The following VWC2 variants were observed in gnomAD, a reference collection of about 807,000 sequenced individuals.
The protein encoded by VWC2 is von Willebrand factor C domain containing 2.
In VWC2, 14 loss-of-function variants were observed where a neutral mutation model predicts 29.8. The ratio of observed to expected loss-of-function variants is 0.47; its 90% CI spans 0.31 to 0.74. The LOEUF (loss-of-function observed/expected upper bound fraction) is 0.74. Among genes scored for constraint, VWC2 ranks in the 30% least tolerant of loss-of-function variants. VWC2 has a pLI of 0.05. For synonymous variants in VWC2, 213 were observed against 199.0 expected, an observed-to-expected ratio of 1.07 and a Z score of -0.59; for missense variants, 457 against 459.8, an observed-to-expected ratio of 0.99 and a Z score of 0.05.
At chr7:49,910,221 C>G (rs543588580) in intron 3 of VWC2, among the ~76,000 whole-genome samples, 27 of 152,282 alleles carry the variant, frequency 1.8e-4, no homozygotes, top group African/African-American at 6.3e-4. Flanking sequence ...GGCCCTCCAC[C>G]TCCTGGGCGA....
At chr7:49,844,989 T>C (rs117080730) in intron 3 of VWC2, among the ~76,000 whole-genome samples, 3,218 of 152,292 alleles carry the variant, frequency 0.021, 264 homozygotes, top group Admixed American at 0.15. Flanking sequence ...GGCCGGCAAT[T>C]CACTTTCGTC....
intron 3 of VWC2, among the ~76,000 whole-genome samples, chr7:49,859,038 G>GGTGCTA (rs1263406127): frequency 1.3e-5 from 2 of 152,188 alleles, no homozygotes; most frequent in African/African-American, 4.8e-5. Flanking sequence ...AGCGACTGCA[G>GGTGCTA]GTGCTACTAG....
intron 3 of VWC2, among the ~76,000 whole-genome samples, chr7:49,808,612 C>G (rs1043570195): frequency 6.6e-6 from 1 of 151,984 alleles, no homozygotes; most frequent in Non-Finnish European, 1.5e-5. Context: ...CTACAGTTGA[C>G]CCTATGCTAA....
At chr7:49,784,830 C>G (rs374564703) in intron 2 of VWC2, among the ~76,000 whole-genome samples, 3 of 152,016 alleles carry the variant, frequency 2.0e-5, no homozygotes, top group East Asian at 3.9e-4. Flanking sequence ...CACCCTTCAC[C>G]CAGGCTGCAA....
chr7:49,861,533 C>T (rs1790653566), intron 3 of VWC2, among the ~76,000 whole-genome samples: 1 of 152,008 alleles, frequency 6.6e-6, no homozygotes, highest in Non-Finnish European at 1.5e-5. Flanking sequence ...TTCTGTTGTT[C>T]ATGTTTTGGT....
chr7:49,885,790 G>A (rs944226135), intron 3 of VWC2, among the ~76,000 whole-genome samples: 1 of 152,204 alleles, frequency 6.6e-6, no homozygotes, highest in African/African-American at 2.4e-5. Context: ...TTGCGGCCTG[G>A]ACCACTAGCA....
chr7:49,791,634 G>A (rs1029571063), intron 2 of VWC2, among the ~76,000 whole-genome samples: 1 of 152,164 alleles, frequency 6.6e-6, no homozygotes, highest in Non-Finnish European at 1.5e-5. Flanking sequence ...CAAACCTACG[G>A]CCATTTTTCT....
chr7:49,776,171 A>C (rs1788050406), intron 2 of VWC2, 40 bp downstream of exon 2: 1 of 1,461,540 alleles, frequency 6.8e-7, no homozygotes, highest in African/African-American at 1.4e-5. Flanking sequence ...TGCACCTTCC[A>C]GGAAGGGGTG....
chr7:49,775,293 C>G lies in VWC2; in HGVS notation c.-103-40C>G, dbSNP rs1788025662. 1.1e-5 allele frequency: 5 copies of G among 462,662 alleles called. No individual in the cohort carries two copies. The South Asian group carries it at 5.3e-4, about 49-fold the overall frequency. 28.7% of individuals were successfully genotyped at this position (462,662 alleles called of 1,614,324 possible). ...GGGCCGCGGCGGGCCGGGGCGCGCG[C>G]GGGCCGCGGGGCTCAGTTGTGCTGC... On this transcript the variant is annotated intron_variant, in intron 1 of 3. Transcript: ENST00000340652.
chr7:49,878,059 CT>C (rs1791517051), intron 3 of VWC2, among the ~76,000 whole-genome samples: 1 of 152,028 alleles, frequency 6.6e-6, no homozygotes, highest in South Asian at 2.1e-4. Context: ...AGTTTTCTGG[CT>C]TTTTTCAGTG....
At chr7:49,823,576 A>G (rs773271031) in intron 3 of VWC2, among the ~76,000 whole-genome samples, 1 of 152,168 alleles carries the variant, frequency 6.6e-6, no homozygotes, top group Non-Finnish European at 1.5e-5. Flanking sequence ...TGGGCCGTAA[A>G]TATCCTGGGG....
chr7:49,875,704 G>A (rs886218076), intron 3 of VWC2, among the ~76,000 whole-genome samples: 3 of 152,112 alleles, frequency 2.0e-5, no homozygotes, highest in African/African-American at 4.8e-5. Context: ...TAATAACAGT[G>A]TCTGATGGAG....
chr7:49,775,784 A>AGG lies in VWC2; in HGVS notation c.349_350insGG (p.Thr117ArgfsTer170), dbSNP rs1788039196. 6.6e-7 allele frequency: 1 copy of AGG among 1,523,236 alleles called. No individual in the cohort carries two copies. Among genetic ancestry groups the AGG allele is most frequent in the South Asian group, 1.2e-5 (1 of 80,438 alleles). 94.4% of individuals were successfully genotyped at this position (1,523,236 alleles called of 1,614,324 possible). A position where few individuals can be genotyped will look rare whatever the true frequency, so the allele number is the denominator to read the frequency against. On this transcript the variant is annotated frameshift_variant, in exon 2 of 4. Coordinates refer to ENST00000340652, the MANE Select transcript of VWC2 (RefSeq NM_198570.5). LOFTEE classifies it high-confidence loss of function. ...TCTGCAGGTCCGGCCCCGCGGGGAC[A>AGG]CCCCGCAGGCGGAAGCCCTGGCCGC...
chr7:49,913,558 T>A lies in VWC2; in HGVS notation c.*1373T>A, dbSNP rs1450337758. On this transcript the variant is annotated 3_prime_UTR_variant, in exon 4 of 4. Coordinates refer to ENST00000340652, the MANE Select transcript of VWC2 (RefSeq NM_198570.5). ...TCTAAAGGTATTTTTCATATTTTTG[T>A]TTATTCTGAAATTTTGCATTAAGAA... is the stretch of plus-strand genomic sequence containing the variant. 6.6e-6 allele frequency: 1 copy of A among 152,202 alleles called. No individual in the cohort carries two copies. Among genetic ancestry groups the A allele is most frequent in the Admixed American group, 6.5e-5 (1 of 15,276 alleles). 9.4% of individuals were successfully genotyped at this position (152,202 alleles called of 1,614,324 possible).
At chr7:49,845,874 C>A (rs778228306) in intron 3 of VWC2, among the ~76,000 whole-genome samples, 1 of 152,050 alleles carries the variant, frequency 6.6e-6, no homozygotes, top group African/African-American at 2.4e-5. Flanking sequence ...AGTGTGAGTG[C>A]GTGTGCACAC....
chr7:49,790,694 G>C (rs922330287), intron 2 of VWC2, among the ~76,000 whole-genome samples: 1 of 151,818 alleles, frequency 6.6e-6, no homozygotes, highest in Non-Finnish European at 1.5e-5. Flanking sequence ...GCACCTCCCA[G>C]CCCTCAGGGG....
chr7:49,831,648 G>A (rs1310026940), intron 3 of VWC2, among the ~76,000 whole-genome samples: 2 of 152,168 alleles, frequency 1.3e-5, no homozygotes, highest in Non-Finnish European at 2.9e-5. Context: ...GGAGGTGGGA[G>A]GGCAAAGGCT....
chr7:49,902,488 GT>G, intron 3 of VWC2, among the ~76,000 whole-genome samples: 1 of 148,284 alleles, frequency 6.7e-6, no homozygotes, highest in East Asian at 2.0e-4. Context: ...TGAAAGGGTA[GT>G]TTTTTGTTTG....
intron 3 of VWC2, among the ~76,000 whole-genome samples, chr7:49,818,242 G>T (rs1415120554): frequency 2.6e-5 from 4 of 152,132 alleles, no homozygotes; most frequent in Non-Finnish European, 5.9e-5. Context: ...AATTCACAGA[G>T]AAATATTTCC....
Sources: allele counts gnomAD v4.1 joint callset (sites outside exome capture counted in the v4.1 genomes callset), GRCh38; gene constraint gnomAD v4.1.1; transcripts MANE v1.5; gene names NCBI Gene and HGNC (gene_info 2026-07-23, HGNC 2026-07-21).